Variants in ARHGAP42 observed in about 807,000 individuals in gnomAD.
ARHGAP42 encodes the protein Rho GTPase activating protein 42.
In ARHGAP42, 63 loss-of-function variants were observed where a neutral mutation model predicts 125.0. The observed-to-expected ratio is 0.50, with a 90% confidence interval of 0.41 to 0.62. The LOEUF is 0.62. ARHGAP42 is among the 20% of genes least tolerant of loss of function. ARHGAP42 has a pLI of 0.00. For synonymous variants in ARHGAP42, 339 were observed against 351.0 expected (o/e 0.97, Z 0.38); for missense variants, 766 against 1,024.2 (o/e 0.75, Z 3.44).
chr11:100,715,116 T>C (rs1861635974), intron 1 of ARHGAP42, among the ~76,000 whole-genome samples: 2 of 149,592 alleles, frequency 1.3e-5, no homozygotes, highest in South Asian at 4.3e-4. Flanking sequence ...AAATTAATTA[T>C]ACCCTTGTGT....
chr11:100,735,602 CT>C (rs58522622), intron 1 of ARHGAP42, among the ~76,000 whole-genome samples: 2,328 of 72,944 alleles, frequency 0.032, 16 homozygotes, highest in African/African-American at 0.035. Flanking sequence ...TTTACTTGTA[CT>C]TTTTTTTTTT....
intron 1 of ARHGAP42, among the ~76,000 whole-genome samples, chr11:100,724,821 C>T (rs1235529907): frequency 7.3e-6 from 1 of 136,606 alleles, no homozygotes; most frequent in Non-Finnish European, 1.6e-5. Flanking sequence ...TTGGTTTGTG[C>T]CCTACTTTTT....
At chr11:100,946,798 A>G (rs1468340872) in intron 10 of ARHGAP42, among the ~76,000 whole-genome samples, 2 of 152,056 alleles carry the variant, frequency 1.3e-5, no homozygotes, top group Non-Finnish European at 2.9e-5. Flanking sequence ...TGCAAGAATC[A>G]CCAAAATGTG....
At chr11:100,852,381 T>C (rs964951784) in intron 3 of ARHGAP42, among the ~76,000 whole-genome samples, 1 of 152,342 alleles carries the variant, frequency 6.6e-6, no homozygotes, top group East Asian at 1.9e-4. Context: ...TTGCAAAGGC[T>C]ATCAGAAGTT....
chr11:100,948,305 T>C (rs1868076796), intron 10 of ARHGAP42, among the ~76,000 whole-genome samples, 152 bp from the exon 11 acceptor site: 1 of 152,130 alleles, frequency 6.6e-6, no homozygotes, highest in Admixed American at 6.6e-5. Context: ...ACTTCAGTCT[T>C]TTTCTTTTTT....
rs1334431764 is a variant in ARHGAP42, at chr11:100,972,600, G to A, written c.1551-575G>A. ...TGTTGGCCAATGATCTATCCCAGGAGCTCAAGGAACCCACTGACTTGCAGT... is the reference window on the plus strand; with the variant it reads ...TGTTGGCCAATGATCTATCCCAGGAACTCAAGGAACCCACTGACTTGCAGT... On this transcript the variant is annotated intron_variant, in intron 17 of 23. Transcript: ENST00000298815. 3.9e-5 allele frequency among the ~76,000 whole-genome samples: 6 copies of A among 152,114 alleles called. No individual in the cohort carries two copies. In the East Asian group the frequency reaches 7.7e-4, roughly 20 times the overall value.
intron 1 of ARHGAP42, among the ~76,000 whole-genome samples, chr11:100,751,279 G>GTGTGTTTTTTT (rs761001184): frequency 6.4e-5 from 6 of 93,480 alleles, no homozygotes; most frequent in African/African-American, 3.0e-4. Flanking sequence ...GTGTGTGTGT[G>GTGTGTTTTTTT]TTTTTTTTTT....
chr11:100,834,087 A>G (rs1864725790), intron 3 of ARHGAP42, among the ~76,000 whole-genome samples: 1 of 152,130 alleles, frequency 6.6e-6, no homozygotes. Context: ...TTAGCACTTC[A>G]CATATGTAAA....
chr11:100,991,754 T>C lies in ARHGAP42; in HGVS notation c.*2953T>C, dbSNP rs1430100294. 1.3e-5 allele frequency: 2 copies of C among 152,484 alleles called. No homozygotes were observed. Among genetic ancestry groups the C allele is most frequent in the Non-Finnish European group, 2.9e-5 (2 of 68,250 alleles). 9.4% of individuals were successfully genotyped at this position (152,484 alleles called of 1,614,324 possible). A position where few individuals can be genotyped will look rare whatever the true frequency, so the allele number is the denominator to read the frequency against. ...AGGAAGTGGGTTTCTCCTTGTTTGA[T>C]GTGAGTGGTTTTGCTTGTTGCATGG... is the stretch of plus-strand genomic sequence containing the variant. On this transcript the variant is annotated 3_prime_UTR_variant, in exon 24 of 24. Coordinates refer to ENST00000298815, the MANE Select transcript of ARHGAP42 (RefSeq NM_152432.4).
rs7125207 is a variant in ARHGAP42 at position 100,698,685 on chromosome 11, A to T, written c.154+10853A>T. Among the ~76,000 whole-genome samples, 5 of 152,262 alleles carry T rather than the reference A, an allele frequency of 3.3e-5. No homozygotes were observed. The East Asian group carries it at 9.6e-4, about 29-fold the overall frequency. On this transcript the variant is annotated intron_variant, in intron 1 of 23. Transcript: ENST00000298815. Reference sequence around the variant, plus strand: ...ACTCAAGAGTGGAACTCCGTTTAAAAAAAAGGGTCATTTTTAAAAAATTTA... The same window carrying T: ...ACTCAAGAGTGGAACTCCGTTTAAATAAAAGGGTCATTTTTAAAAAATTTA...
At position 100,961,679 on chromosome 11, in the gene ARHGAP42, TC is replaced by T. The variant is rs1422431300; in HGVS notation, c.1301-3del. On this transcript the variant is annotated splice_region_variant and splice_polypyrimidine_tract_variant and intron_variant, in intron 14 of 23. Coordinates refer to ENST00000298815, the MANE Select transcript of ARHGAP42 (RefSeq NM_152432.4). ...AATTTAAACACCTTGTTTTATTCTT[TC>T]CAGCTCCTAAATCCCCTCCTGATAT... 18 of 1,550,812 alleles carry T rather than the reference TC, an allele frequency of 1.2e-5. No homozygotes were observed. Among genetic ancestry groups the T allele is most frequent in the Non-Finnish European group, 1.6e-5 (18 of 1,146,400 alleles).
At chr11:100,716,521 GC>G (rs1258719056) in intron 1 of ARHGAP42, among the ~76,000 whole-genome samples, 1 of 152,134 alleles carries the variant, frequency 6.6e-6, no homozygotes, top group African/African-American at 2.4e-5. Context: ...AATTTCTGAA[GC>G]ATCAGTTCTT....
intron 3 of ARHGAP42, among the ~76,000 whole-genome samples, chr11:100,856,495 C>T (rs1386379466): frequency 1.3e-5 from 2 of 151,960 alleles, no homozygotes; most frequent in Admixed American, 1.3e-4. Context: ...CACTTAGTGC[C>T]CTTTGAGTGC....
chr11:100,760,885 G>C (rs890248978), intron 1 of ARHGAP42, among the ~76,000 whole-genome samples: 4 of 152,068 alleles, frequency 2.6e-5, no homozygotes, highest in Non-Finnish European at 4.4e-5. Flanking sequence ...GATATGTTAG[G>C]TAATAAAAGG....
In ARHGAP42 at chr11:100,885,657, A is replaced by G. The variant is rs1489200730; in HGVS notation, c.384+26032A>G. 4.6e-5 allele frequency among the ~76,000 whole-genome samples: 7 copies of G among 152,358 alleles called. No individual in the cohort carries two copies. In the East Asian group the frequency reaches 1.3e-3, roughly 29 times the overall value. On this transcript the variant is annotated intron_variant, in intron 4 of 23. Transcript: ENST00000298815. Reference sequence around the variant, plus strand: ...TTATCATGTTTGTCATTGATTTATCAAATACTATACATATGTTGGCTAATT... The same window carrying G: ...TTATCATGTTTGTCATTGATTTATCGAATACTATACATATGTTGGCTAATT...
intron 4 of ARHGAP42, among the ~76,000 whole-genome samples, chr11:100,872,767 G>A (rs12808052): frequency 0.23 from 35,419 of 151,998 alleles, 4,243 homozygotes; most frequent in African/African-American, 0.31. Flanking sequence ...TCAGGAGAAA[G>A]TTGATTAGCA....
At chr11:100,726,235 T>C (rs527954299) in intron 1 of ARHGAP42, among the ~76,000 whole-genome samples, 15 of 152,214 alleles carry the variant, frequency 9.9e-5, no homozygotes, top group Non-Finnish European at 2.1e-4. Context: ...TCTGCCCTTT[T>C]CAGAAAGTAA....
chr11:100,915,995 A>C (rs1418077760), intron 5 of ARHGAP42, among the ~76,000 whole-genome samples: 1 of 152,178 alleles, frequency 6.6e-6, no homozygotes, highest in Non-Finnish European at 1.5e-5. Context: ...CACCAAGCTT[A>C]TTAACTTGTT....
chr11:100,775,224 C>G (rs1188434430), intron 2 of ARHGAP42, among the ~76,000 whole-genome samples: 3 of 152,106 alleles, frequency 2.0e-5, no homozygotes, highest in African/African-American at 7.2e-5. Context: ...TTTTATTTGG[C>G]TTTGGTGTTT....
Sources: gnomAD v4.1 joint callset for allele counts (sites outside exome capture counted in the v4.1 genomes callset) on GRCh38, gnomAD v4.1.1 for gene constraint, MANE v1.5 for transcripts, NCBI Gene and HGNC (gene_info 2026-07-23, HGNC 2026-07-21) for gene names.